ZRANB3: variants seen among roughly 807,000 people sequenced by gnomAD.
ZRANB3 encodes zinc finger RANBP2-type containing 3, also known as DNA annealing helicase and endonuclease ZRANB3.
A neutral mutation model predicts 133.8 loss-of-function variants in ZRANB3; 125 were observed. The ratio of observed to expected loss-of-function variants is 0.93; its 90% CI spans 0.81 to 1.08. ZRANB3 has a LOEUF of 1.08. Ranked by LOEUF, ZRANB3 falls within the 50% of genes least tolerant of loss-of-function variation. ZRANB3 has a pLI of 0.00. For missense variants in ZRANB3, 1,229 were observed against 1,275.5 expected (o/e 0.96, Z 0.56); for synonymous variants, 387 against 432.7 (o/e 0.89, Z 1.31).
chr2:135,343,721 A>C (rs1281250472), intron 6 of ZRANB3, among the ~76,000 whole-genome samples: 1 of 150,252 alleles, frequency 6.7e-6, no homozygotes, highest in Non-Finnish European at 1.5e-5. Context: ...ACAGAAGGGC[A>C]AACAGCACAC....
At chr2:135,228,826 T>C (rs1274343367) in intron 13 of ZRANB3, among the ~76,000 whole-genome samples, 1 of 152,162 alleles carries the variant, frequency 6.6e-6, no homozygotes, top group Non-Finnish European at 1.5e-5. Context: ...ACTTAGACTA[T>C]GTATTTCTCT....
chr2:135,318,220 G>T (rs959595585), intron 6 of ZRANB3, among the ~76,000 whole-genome samples: 1 of 131,366 alleles, frequency 7.6e-6, no homozygotes, highest in Non-Finnish European at 1.6e-5. Context: ...TTTTGTGTGT[G>T]TGTGTGTGTG....
chr2:135,496,384 TAAAAAAAA>T (rs56770947), intron 2 of ZRANB3, among the ~76,000 whole-genome samples: 6 of 33,318 alleles, frequency 1.8e-4, no homozygotes, highest in African/African-American at 4.0e-4. Context: ...AACTCCATCT[TAAAAAAAA>T]AAAAAAAAAA....
intron 2 of ZRANB3, among the ~76,000 whole-genome samples, chr2:135,442,547 C>T (rs1312989929): frequency 6.6e-6 from 1 of 152,162 alleles, no homozygotes; most frequent in African/African-American, 2.4e-5. Flanking sequence ...CAGGAAACAA[C>T]ACATGCTGGA....
intron 2 of ZRANB3, among the ~76,000 whole-genome samples, chr2:135,493,779 CAA>C (rs1014262429): frequency 6.6e-6 from 1 of 152,076 alleles, no homozygotes; most frequent in Non-Finnish European, 1.5e-5. Context: ...AAAGAGCTAA[CAA>C]GAGAACTGAA....
At chr2:135,229,365 TA>T (rs1400291865) in intron 13 of ZRANB3, among the ~76,000 whole-genome samples, 116 of 148,426 alleles carry the variant, frequency 7.8e-4, no homozygotes, top group African/African-American at 2.2e-3. Flanking sequence ...TCAATGCCAA[TA>T]TTTTTTTTTT....
At chr2:135,453,996 T>C (rs148703333) in intron 2 of ZRANB3, among the ~76,000 whole-genome samples, 1 of 152,244 alleles carries the variant, frequency 6.6e-6, no homozygotes, top group Admixed American at 6.5e-5. Flanking sequence ...TCCACATGAC[T>C]GGGGAGGCCT....
intron 2 of ZRANB3, among the ~76,000 whole-genome samples, chr2:135,472,492 G>A (rs565722154): frequency 8.4e-5 from 12 of 143,518 alleles, no homozygotes; most frequent in East Asian, 8.1e-4. Flanking sequence ...AGCGAGACTC[G>A]GTCTCAAAAA....
intron 2 of ZRANB3, among the ~76,000 whole-genome samples, chr2:135,429,660 T>C (rs1055508864): frequency 3.3e-5 from 5 of 152,004 alleles, no homozygotes; most frequent in Admixed American, 2.0e-4. Context: ...TCTTCCATAT[T>C]GGAGAGTTAA....
At chr2:135,254,970 C>A (rs944578413) in intron 12 of ZRANB3, among the ~76,000 whole-genome samples, 1 of 151,992 alleles carries the variant, frequency 6.6e-6, no homozygotes, top group Admixed American at 6.6e-5. Context: ...CCAGGCTGGT[C>A]TTGAAATCCT....
intron 17 of ZRANB3, among the ~76,000 whole-genome samples, chr2:135,211,592 T>A (rs184558630): frequency 3.3e-4 from 50 of 152,304 alleles, no homozygotes; most frequent in African/African-American, 1.1e-3. Flanking sequence ...TCATTTTTCA[T>A]TATACCTTTT....
chr2:135,408,327 A>C (rs1485125673), intron 2 of ZRANB3, among the ~76,000 whole-genome samples: 1 of 152,114 alleles, frequency 6.6e-6, no homozygotes, highest in Non-Finnish European at 1.5e-5. Flanking sequence ...AGGAAACAAC[A>C]GGTGCTGGAG....
At chr2:135,214,074 A>G (rs1305616609) in intron 17 of ZRANB3, among the ~76,000 whole-genome samples, 1 of 152,190 alleles carries the variant, frequency 6.6e-6, no homozygotes, top group African/African-American at 2.4e-5. Flanking sequence ...ATTCCTTTCC[A>G]AGCTTATCAA....
intron 6 of ZRANB3, among the ~76,000 whole-genome samples, chr2:135,316,663 T>C (rs4954237): frequency 0.27 from 40,741 of 152,034 alleles, 9,144 homozygotes; most frequent in African/African-American, 0.6. Context: ...ACAATACACA[T>C]AATATTAAAA....
At chr2:135,290,267 G>C (rs1179209781) in intron 8 of ZRANB3, among the ~76,000 whole-genome samples, 1 of 152,156 alleles carries the variant, frequency 6.6e-6, no homozygotes, top group African/African-American at 2.4e-5. Flanking sequence ...TCAAAAGTTT[G>C]GGAGCTGCAG....
chr2:135,398,035 C>G (rs533617151), intron 2 of ZRANB3, among the ~76,000 whole-genome samples: 17 of 152,090 alleles, frequency 1.1e-4, no homozygotes, highest in African/African-American at 3.4e-4. Flanking sequence ...GTTTTACATA[C>G]CTGTTCTTTT....
At chr2:135,207,170 ATAAAT>A (rs1170024366) in intron 19 of ZRANB3, among the ~76,000 whole-genome samples, 1 of 149,770 alleles carries the variant, frequency 6.7e-6, no homozygotes, top group Non-Finnish European at 1.5e-5. Context: ...TGTCTCCAAA[ATAAAT>A]AAATAAATAA....
At chr2:135,339,397 C>G (rs1224498825) in intron 6 of ZRANB3, among the ~76,000 whole-genome samples, 1 of 151,724 alleles carries the variant, frequency 6.6e-6, no homozygotes, top group Non-Finnish European at 1.5e-5. Flanking sequence ...CAGCAAGACT[C>G]CATCTGAAAA....
Position 135,437,321 on chromosome 2 carries a change from A to G in ZRANB3, c.162-46501T>C, listed in dbSNP as rs1227206187. Among the ~76,000 whole-genome samples the G allele has an allele frequency of 8.5e-5, 13 of 152,242 alleles. No homozygotes were observed. In the East Asian group the frequency reaches 2.5e-3, roughly 29 times the overall value. ...ATTTACAACTACACAACATGACAAGATAAAGTTAATAAACATAATGCTCAG... is the reference window on the plus strand; with the variant it reads ...ATTTACAACTACACAACATGACAAGGTAAAGTTAATAAACATAATGCTCAG... On this transcript the variant is annotated intron_variant, in intron 2 of 20. Transcript: ENST00000264159.
Sources: gnomAD v4.1 joint callset for allele counts (sites outside exome capture counted in the v4.1 genomes callset) on GRCh38, gnomAD v4.1.1 for gene constraint, MANE v1.5 for transcripts, NCBI Gene and HGNC (gene_info 2026-07-23, HGNC 2026-07-21) for gene names.